The following SULF2 variants were observed in gnomAD, a reference collection of about 807,000 sequenced individuals.
SULF2 encodes the protein extracellular sulfatase Sulf-2.
In SULF2, 52 loss-of-function variants were observed where a neutral mutation model predicts 107.7. That is an observed-to-expected ratio of 0.48 (90% CI 0.39 to 0.61). SULF2 has a LOEUF of 0.61. Ranked by LOEUF, SULF2 falls within the 20% of genes least tolerant of loss-of-function variation. The pLI is 0.00. For synonymous variants in SULF2, 460 were observed against 464.3 expected, an observed-to-expected ratio of 0.99 and a Z score of 0.12; for missense variants, 993 against 1,177.3, an observed-to-expected ratio of 0.84 and a Z score of 2.29.
intron 14 of SULF2, among the ~76,000 whole-genome samples, 167 bp downstream of exon 14, chr20:47,665,032 C>G (rs2087214356): frequency 6.6e-6 from 1 of 152,206 alleles, no homozygotes; most frequent in South Asian, 2.1e-4. Flanking sequence ...GTCCGTGTGC[C>G]ACACTGGCTG....
chr20:47,700,892 C>G (rs144259671), intron 4 of SULF2, among the ~76,000 whole-genome samples: 1,961 of 152,202 alleles, frequency 0.013, 43 homozygotes, highest in African/African-American at 0.045. Context: ...GTGATCCACC[C>G]GCCTCAGTCT....
chr20:47,706,062 G>A (rs1383249268), intron 3 of SULF2, among the ~76,000 whole-genome samples: 3 of 152,090 alleles, frequency 2.0e-5, no homozygotes, highest in African/African-American at 7.2e-5. Context: ...GCCTCCCAAA[G>A]TTCTGGGACT....
At chr20:47,726,309 G>A (rs2146724302) in intron 3 of SULF2, among the ~76,000 whole-genome samples, 1 of 152,230 alleles carries the variant, frequency 6.6e-6, no homozygotes, top group African/African-American at 2.4e-5. Context: ...AGGCTCAAGT[G>A]ATCCTCCTGC....
intron 3 of SULF2, chr20:47,706,493 G>C (rs2088742095): frequency 6.6e-6 from 1 of 152,214 alleles, no homozygotes. Flanking sequence ...TCACAGACAA[G>C]ACATAAACAA....
chr20:47,680,272 T>A lies in SULF2; in HGVS notation c.1065-1468A>T, dbSNP rs1266590745. Among the ~76,000 whole-genome samples the A allele has an allele frequency of 6.6e-6, 1 of 152,210 alleles. No homozygotes were observed. Among genetic ancestry groups the A allele is most frequent in the Non-Finnish European group, 1.5e-5 (1 of 68,038 alleles). Reference sequence around the variant, plus strand: ...GGCATGCGCCATCACACCCATAATTTTTGTACTTTTAGTAGAGGTGGGGTT... The same window carrying A: ...GGCATGCGCCATCACACCCATAATTATTGTACTTTTAGTAGAGGTGGGGTT... On this transcript the variant is annotated intron_variant, in intron 7 of 20. Coordinates refer to ENST00000688720, the MANE Select transcript of SULF2 (RefSeq NM_001387048.1). The surrounding 1 kb of genome is among the most constrained non-coding windows in gnomAD (Gnocchi z 4.2).
At chr20:47,661,948 C>T (rs368386939) in intron 17 of SULF2, 52 bp from the exon 18 acceptor site, 9 of 1,417,190 alleles carry the variant, frequency 6.4e-6, no homozygotes, top group Middle Eastern at 1.9e-4. Flanking sequence ...GGACTCTCGC[C>T]CTGCCCTTCT....
intron 2 of SULF2, among the ~76,000 whole-genome samples, chr20:47,751,467 G>A (rs2090156290): frequency 6.6e-6 from 1 of 152,152 alleles, no homozygotes; most frequent in South Asian, 2.1e-4. Context: ...ACTCAATTTG[G>A]GTACTCTCTT....
At chr20:47,751,672 G>A (rs558262410) in intron 2 of SULF2, among the ~76,000 whole-genome samples, 217 of 152,282 alleles carry the variant, frequency 1.4e-3, no homozygotes, top group Non-Finnish European at 2.2e-3. Context: ...CGCACCTGAA[G>A]CTCAATGTAT....
intron 17 of SULF2, among the ~76,000 whole-genome samples, chr20:47,662,862 T>C (rs1004368578): frequency 6.6e-6 from 1 of 151,840 alleles, no homozygotes; most frequent in East Asian, 1.9e-4. Flanking sequence ...CGCAGGGTGA[T>C]GGAGGCAAAA....
chr20:47,780,019 T>TC (rs1446519373), intron 1 of SULF2, among the ~76,000 whole-genome samples: 1 of 145,408 alleles, frequency 6.9e-6, no homozygotes, highest in African/African-American at 2.7e-5. Context: ...AGTTGACTTT[T>TC]TTTTTTTTTT....
rs1323065301 is a variant in SULF2, at chr20:47,680,754, C to T, written c.1065-1950G>A. On this transcript the variant is annotated intron_variant, in intron 7 of 20. Transcript: ENST00000688720. The surrounding 1 kb of genome is among the most constrained non-coding windows in gnomAD (Gnocchi z 4.2). ...AGACTGCTGAGCGACGGGCGCTCTG[C>T]AGAACCCAGCAACCGGCAGCTAATG... is the stretch of plus-strand genomic sequence containing the variant. Among the ~76,000 whole-genome samples, 1 of 152,242 alleles carries T rather than the reference C, an allele frequency of 6.6e-6. No homozygotes were observed. Among genetic ancestry groups the T allele is most frequent in the East Asian group, 1.9e-4 (1 of 5,204 alleles).
intron 3 of SULF2, among the ~76,000 whole-genome samples, chr20:47,705,586 C>CCAGAAAGG (rs2088706647): frequency 6.6e-6 from 1 of 152,084 alleles, no homozygotes; most frequent in Non-Finnish European, 1.5e-5. Flanking sequence ...TGGCTCTTGG[C>CCAGAAAGG]CAGAAAGGGG....
rs1602628645 is a variant in SULF2 at position 47,680,851 on chromosome 20, C to T, written c.1065-2047G>A. On this transcript the variant is annotated intron_variant, in intron 7 of 20. Coordinates refer to ENST00000688720, the MANE Select transcript of SULF2 (RefSeq NM_001387048.1). The surrounding 1 kb of genome is among the most constrained non-coding windows in gnomAD (Gnocchi z 4.2). ...GAGGACAGTGGTTGCTTTTCCTGGC[C>T]AGCACCAATGCCTTGCTCTGTGTCA... 6.6e-6 allele frequency among the ~76,000 whole-genome samples: 1 copy of T among 152,334 alleles called. No individual in the cohort carries two copies. The highest frequency in any genetic ancestry group is 3.4e-3 in the Middle Eastern group (1 of 294).
At chr20:47,737,894 C>T (rs2146795197) in intron 2 of SULF2, among the ~76,000 whole-genome samples, 1 of 150,848 alleles carries the variant, frequency 6.6e-6, no homozygotes, top group African/African-American at 2.4e-5. Context: ...TCCCAAGTAG[C>T]CCCTATACGC....
At chr20:47,742,724 TTA>T (rs1175245957) in intron 2 of SULF2, among the ~76,000 whole-genome samples, 3 of 151,840 alleles carry the variant, frequency 2.0e-5, no homozygotes, top group South Asian at 2.1e-4. Context: ...AAGGTGTGAG[TTA>T]TATATATATA....
At chr20:47,742,669 A>G (rs987249747) in intron 2 of SULF2, among the ~76,000 whole-genome samples, 1 of 151,990 alleles carries the variant, frequency 6.6e-6, no homozygotes, top group Admixed American at 6.6e-5. Flanking sequence ...TTAAGAAAAA[A>G]CCCTTTAATC....
chr20:47,673,640 C>T (rs187457291), intron 10 of SULF2, among the ~76,000 whole-genome samples: 199 of 152,352 alleles, frequency 1.3e-3, no homozygotes, highest in Middle Eastern at 3.4e-3. Context: ...TGCCACCCTC[C>T]CATCCCCTTC....
At position 47,718,335 on chromosome 20, in the gene SULF2, C is replaced by A. The variant is rs79125941; in HGVS notation, c.416-15665G>T. ...GCCTCTAAATGGTTACTGTTTTTAT[C>A]ATAATATTATTGATCATGATGTTAT... On this transcript the variant is annotated intron_variant, in intron 3 of 20. Transcript: ENST00000688720. 6.0e-3 allele frequency among the ~76,000 whole-genome samples: 917 copies of A among 152,218 alleles called. 11 individuals carry two copies. The highest frequency in any genetic ancestry group is 0.021 in the African/African-American group (858 of 41,530).
chr20:47,685,383 C>A (rs2087964259), intron 5 of SULF2: 1 of 152,218 alleles, frequency 6.6e-6, no homozygotes. Flanking sequence ...TGCCACCACA[C>A]CTGGCTAATT....
Sources: gnomAD v4.1 joint callset for allele counts (sites outside exome capture counted in the v4.1 genomes callset) on GRCh38, gnomAD v4.1.1 for gene constraint, Gnocchi (gnomAD v3.1) non-coding constraint, MANE v1.5 for transcripts, NCBI Gene and HGNC (gene_info 2026-07-23, HGNC 2026-07-21) for gene names.